DNAH9: variants seen among roughly 807,000 people sequenced by gnomAD.
DNAH9 encodes the protein DNAH9 variant protein.
A neutral mutation model predicts 471.6 loss-of-function variants in DNAH9; 345 were observed. The ratio of observed to expected loss-of-function variants is 0.73; its 90% CI spans 0.67 to 0.80. DNAH9 has a LOEUF of 0.80. Ranked by LOEUF, DNAH9 falls within the 30% of genes least tolerant of loss-of-function variation. The pLI is 0.00. For synonymous variants in DNAH9, 2,093 were observed against 2,123.6 expected, an observed-to-expected ratio of 0.99 and a Z score of 0.40; for missense variants, 5,407 against 5,609.2, an observed-to-expected ratio of 0.96 and a Z score of 1.15.
intron 32 of DNAH9, among the ~76,000 whole-genome samples, chr17:11,750,716 A>G (rs1444796033): frequency 6.6e-6 from 1 of 152,194 alleles, no homozygotes; most frequent in Non-Finnish European, 1.5e-5. Flanking sequence ...CCTCTCTAGG[A>G]TGCAATAAAA....
chr17:11,628,089 G>A (rs2073001423), intron 6 of DNAH9, among the ~76,000 whole-genome samples: 1 of 152,192 alleles, frequency 6.6e-6, no homozygotes, highest in African/African-American at 2.4e-5. Context: ...CCAAATGTTG[G>A]CCAAAATGAC....
At chr17:11,708,313 T>C (rs1413067247) in intron 26 of DNAH9, among the ~76,000 whole-genome samples, 1 of 152,184 alleles carries the variant, frequency 6.6e-6, no homozygotes, top group Non-Finnish European at 1.5e-5. Context: ...GGAAGTTGAC[T>C]TAGGGGCAAG....
At chr17:11,968,810 A>AG (rs1243223334) in intron 68 of DNAH9, among the ~76,000 whole-genome samples, 1 of 152,224 alleles carries the variant, frequency 6.6e-6, no homozygotes, top group Non-Finnish European at 1.5e-5. Context: ...ACATGAGTAA[A>AG]GATAGAATGT....
rs1567731745 is a variant in DNAH9, at chr17:11,701,383, T to C, written c.5151+136T>C. ...CAGGGAGGCTTGAATCCCAGACCAC[T>C]GTGAGGGGTCAGCAGGTGGGAGCAG... On this transcript the variant is annotated intron_variant, in intron 24 of 68. Transcript: ENST00000262442. The C allele has an allele frequency of 4.3e-6, 4 of 935,766 alleles. No homozygotes were observed. The South Asian group carries it at 4.7e-5, about 11-fold the overall frequency. 58.0% of individuals were successfully genotyped at this position (935,766 alleles called of 1,614,324 possible).
At chr17:11,861,272 C>T (rs1035335388) in intron 50 of DNAH9, among the ~76,000 whole-genome samples, 3 of 151,802 alleles carry the variant, frequency 2.0e-5, no homozygotes, top group South Asian at 4.2e-4. Context: ...TGAGAATATG[C>T]GGTGTTTGGT....
chr17:11,688,752 A>G (rs2074282562), intron 19 of DNAH9, among the ~76,000 whole-genome samples: 1 of 152,138 alleles, frequency 6.6e-6, no homozygotes, highest in African/African-American at 2.4e-5. Flanking sequence ...CAGAGTGATC[A>G]ATGGAGGGAG....
At position 11,863,629 on chromosome 17, in the gene DNAH9, C is replaced by T. The variant is rs1253982335; in HGVS notation, c.9934-5505C>T. 6.6e-5 allele frequency among the ~76,000 whole-genome samples: 10 copies of T among 150,546 alleles called. No homozygotes were observed. In the East Asian group the frequency reaches 1.6e-3, roughly 23 times the overall value. On this transcript the variant is annotated intron_variant, in intron 50 of 68. Coordinates refer to ENST00000262442, the MANE Select transcript of DNAH9 (RefSeq NM_001372.4). ...TCCTCCTTGTACCTCTGGTAGAATT[C>T]GGCTGTGAATCCATCTGGTCCTGGA...
chr17:11,654,798 T>G (rs894684149), intron 14 of DNAH9, among the ~76,000 whole-genome samples: 5 of 152,080 alleles, frequency 3.3e-5, no homozygotes, highest in Admixed American at 6.6e-5. Context: ...ATTATCATTT[T>G]ATTGATAAGA....
At chr17:11,901,162 G>A (rs1234621873) in intron 59 of DNAH9, among the ~76,000 whole-genome samples, 1 of 152,124 alleles carries the variant, frequency 6.6e-6, no homozygotes, top group Non-Finnish European at 1.5e-5. Flanking sequence ...TCTGTGCATG[G>A]GCAGGGGCTT....
chr17:11,960,122 A>G (rs943305312), intron 67 of DNAH9, among the ~76,000 whole-genome samples: 1 of 152,204 alleles, frequency 6.6e-6, no homozygotes, highest in South Asian at 2.1e-4. Context: ...TAAGGTAGGT[A>G]TGCTTAACTG....
At chr17:11,772,651 C>A (rs141748624) in intron 38 of DNAH9, among the ~76,000 whole-genome samples, 2,424 of 152,258 alleles carry the variant, frequency 0.016, 66 homozygotes, top group African/African-American at 0.054. Context: ...AACTGGCTCT[C>A]ACTGTAGCTG....
At chr17:11,684,233 G>A (rs779468862) in intron 19 of DNAH9, among the ~76,000 whole-genome samples, 5 of 152,036 alleles carry the variant, frequency 3.3e-5, no homozygotes, top group African/African-American at 1.2e-4. Context: ...GAATGTTCTC[G>A]TGTTTGAGGA....
In DNAH9 at chr17:11,682,693, C is replaced by T. The variant is rs189598180; in HGVS notation, c.3743+1804C>T. 2.4e-4 allele frequency among the ~76,000 whole-genome samples: 37 copies of T among 152,272 alleles called. No homozygotes were observed. In the East Asian group the frequency reaches 6.8e-3, roughly 28 times the overall value. On this transcript the variant is annotated intron_variant, in intron 19 of 68. Transcript: ENST00000262442. The stretch of plus-strand genomic sequence containing the variant: ...GAGAGATTTTAAAACTCCCAATATG[C>T]CCAGTGTGTCCTATATACTAATGAA...
intron 10 of DNAH9, 96 bp downstream of exon 10, chr17:11,640,480 C>T (rs1459475682): frequency 3.6e-6 from 3 of 842,516 alleles, no homozygotes; most frequent in Admixed American, 2.0e-5. Flanking sequence ...TTAACGAAGG[C>T]CAGAAAATCA....
At chr17:11,811,729 C>A (rs1969908960) in intron 45 of DNAH9, among the ~76,000 whole-genome samples, 1 of 151,972 alleles carries the variant, frequency 6.6e-6, no homozygotes, top group South Asian at 2.1e-4. Context: ...GGAGAAATCC[C>A]AATAATCTGG....
intron 27 of DNAH9, among the ~76,000 whole-genome samples, chr17:11,727,077 A>AAAAAC (rs2075167459): frequency 8.5e-6 from 1 of 118,052 alleles, no homozygotes; most frequent in Middle Eastern, 5.0e-3. Flanking sequence ...AAAAAAAAAA[A>AAAAAC]CCCGCTGAAT....
At chr17:11,948,366 T>G (rs1489209059) in intron 67 of DNAH9, among the ~76,000 whole-genome samples, 1 of 151,514 alleles carries the variant, frequency 6.6e-6, no homozygotes, top group Non-Finnish European at 1.5e-5. Context: ...GTAGCTGGAA[T>G]TACAGGTGCC....
chr17:11,942,726 T>C (rs1290820575), intron 67 of DNAH9, among the ~76,000 whole-genome samples: 1 of 152,186 alleles, frequency 6.6e-6, no homozygotes, highest in South Asian at 2.1e-4. Flanking sequence ...CTACAATTTC[T>C]ACTACCAGTT....
chr17:11,628,023 G>T (rs185031194), intron 6 of DNAH9, among the ~76,000 whole-genome samples: 63 of 152,288 alleles, frequency 4.1e-4, no homozygotes, highest in African/African-American at 1.4e-3. Context: ...TACAGCATCG[G>T]TGTCATGGTG....
Sources: allele counts gnomAD v4.1 joint callset (sites outside exome capture counted in the v4.1 genomes callset), GRCh38; gene constraint gnomAD v4.1.1; transcripts MANE v1.5; gene names NCBI Gene and HGNC (gene_info 2026-07-23, HGNC 2026-07-21).